MGAT5: variants seen among roughly 807,000 people sequenced by gnomAD.
MGAT5 encodes alpha-1,6-mannosylglycoprotein 6-beta-N-acetylglucosaminyltransferase A.
In MGAT5, 30 loss-of-function variants were observed where a neutral mutation model predicts 94.3. The observed-to-expected ratio is 0.32, with a 90% CI of 0.24 to 0.43. The LOEUF (loss-of-function observed/expected upper bound fraction) is 0.43. MGAT5 is among the 20% of genes least tolerant of loss of function. The pLI is 1.00. For synonymous variants in MGAT5, 310 were observed against 322.9 expected, an observed-to-expected ratio of 0.96 and a Z score of 0.43; for missense variants, 691 against 905.5, an observed-to-expected ratio of 0.76 and a Z score of 3.04.
intron 9 of MGAT5, among the ~76,000 whole-genome samples, chr2:134,352,116 T>C (rs1679423082): frequency 6.6e-6 from 1 of 152,170 alleles, no homozygotes; most frequent in South Asian, 2.1e-4. Context: ...TGCAGCATGG[T>C]ACTACCCCAG....
In MGAT5 at chr2:134,441,818, G is replaced by C. The variant is rs781135875; in HGVS notation, c.1930G>C (p.Glu644Gln). Reference protein sequence around the residue: ...PLSALQVKLAEPGQSCKQVCQ... With the variant: ...PLSALQVKLAQPGQSCKQVCQ... ...CAGCGCCCTACAGGTCAAGCTTGCT[G>C]AGCCCGGGCAGTCCTGCAAGCAGGT... The change falls in exon 15 of 16, where the codon GAG becomes CAG. Residue 644 changes from glutamate (E) to glutamine (Q), a missense_variant. Transcript: ENST00000281923. 23 of 1,614,118 alleles carry C rather than the reference G, an allele frequency of 1.4e-5. No individual in the cohort carries two copies. Among genetic ancestry groups the C allele is most frequent in the Non-Finnish European group, 1.9e-5 (22 of 1,180,006 alleles).
chr2:134,370,512 T>C (rs1680716511), intron 10 of MGAT5, among the ~76,000 whole-genome samples: 1 of 152,264 alleles, frequency 6.6e-6, no homozygotes, highest in African/African-American at 2.4e-5. Context: ...GAAAATAATG[T>C]GTCTCCTGCT....
At chr2:134,340,496 G>A (rs975649476) in intron 6 of MGAT5, among the ~76,000 whole-genome samples, 4 of 152,144 alleles carry the variant, frequency 2.6e-5, no homozygotes, top group African/African-American at 9.7e-5. Context: ...TATCAAATAT[G>A]CTTTGATGTC....
upstream of MGAT5, chr2:134,120,170 C>T (rs1156244996): frequency 5.8e-6 from 1 of 173,348 alleles, no homozygotes. Context: ...GCGGCGGCCC[C>T]GGGCGCGATC....
chr2:134,237,259 A>G (rs921876224), intron 1 of MGAT5, among the ~76,000 whole-genome samples: 2 of 152,102 alleles, frequency 1.3e-5, no homozygotes, highest in Non-Finnish European at 2.9e-5. Flanking sequence ...TGTCTCTGAA[A>G]TTAAGTCCCT....
At chr2:134,341,958 A>G (rs1688659769) in intron 7 of MGAT5, among the ~76,000 whole-genome samples, 199 bp downstream of exon 7, 1 of 152,180 alleles carries the variant, frequency 6.6e-6, no homozygotes, top group Non-Finnish European at 1.5e-5. Flanking sequence ...ATTGTCGCTG[A>G]AGGCTCCAGA....
At chr2:134,292,536 G>A (rs1050642304) in intron 2 of MGAT5, among the ~76,000 whole-genome samples, 60 of 152,274 alleles carry the variant, frequency 3.9e-4, no homozygotes, top group Non-Finnish European at 2.1e-4. Context: ...CCAGGTTCTG[G>A]TTTCTTTCTT....
At chr2:134,428,671 A>G (rs1042972023) in intron 14 of MGAT5, among the ~76,000 whole-genome samples, 10 of 152,178 alleles carry the variant, frequency 6.6e-5, no homozygotes, top group African/African-American at 2.2e-4. Flanking sequence ...AACTTATAAC[A>G]AGAGAGATGG....
chr2:134,237,288 C>T (rs1430627289), intron 1 of MGAT5, among the ~76,000 whole-genome samples: 1 of 152,218 alleles, frequency 6.6e-6, no homozygotes, highest in African/African-American at 2.4e-5. Context: ...ACTTCCCACT[C>T]AGCCATTCTG....
At chr2:134,402,855 C>A in intron 10 of MGAT5, 133 bp from the exon 11 acceptor site, 1 of 875,652 alleles carries the variant, frequency 1.1e-6, no homozygotes, top group African/African-American at 1.7e-5. Flanking sequence ...AGTTTGATTG[C>A]CAAATTCCTG....
chr2:134,237,383 C>T (rs938029636), intron 1 of MGAT5, among the ~76,000 whole-genome samples: 1 of 152,148 alleles, frequency 6.6e-6, no homozygotes, highest in Non-Finnish European at 1.5e-5. Context: ...TAAATGTTTG[C>T]AGAATAATCT....
intron 10 of MGAT5, among the ~76,000 whole-genome samples, chr2:134,365,377 T>G (rs553406436): frequency 3.3e-5 from 5 of 152,292 alleles, no homozygotes; most frequent in African/African-American, 9.6e-5. Context: ...TTTTGGTGGC[T>G]GGAACTGTAA....
intron 9 of MGAT5, among the ~76,000 whole-genome samples, chr2:134,351,404 GACTAAA>G (rs764945812): frequency 6.6e-6 from 1 of 152,150 alleles, no homozygotes; most frequent in Non-Finnish European, 1.5e-5. Flanking sequence ...TGTTCAAAGT[GACTAAA>G]ACCGCTGGGT....
chr2:134,192,120 G>C (rs1486540946), intron 1 of MGAT5, among the ~76,000 whole-genome samples: 1 of 150,016 alleles, frequency 6.7e-6, no homozygotes, highest in Non-Finnish European at 1.5e-5. Context: ...GCGCGAGCGG[G>C]TTCCTGATGG....
intron 1 of MGAT5, among the ~76,000 whole-genome samples, chr2:134,213,102 T>G (rs1236799252): frequency 6.6e-6 from 1 of 152,248 alleles, no homozygotes; most frequent in Non-Finnish European, 1.5e-5. Context: ...TGCTGCTGAC[T>G]TGGGTAAAAG....
intron 1 of MGAT5, among the ~76,000 whole-genome samples, chr2:134,217,686 G>A (rs547104972): frequency 6.6e-6 from 1 of 152,276 alleles, no homozygotes; most frequent in South Asian, 2.1e-4. Flanking sequence ...CATTTTAGAA[G>A]ACAAGCCCTG....
At chr2:134,227,785 G>A (rs1416815601) in intron 1 of MGAT5, among the ~76,000 whole-genome samples, 1 of 152,070 alleles carries the variant, frequency 6.6e-6, no homozygotes, top group Non-Finnish European at 1.5e-5. Context: ...AGGGACCATT[G>A]TATTCTTCAG....
chr2:134,233,897 CT>C (rs1681496925), intron 1 of MGAT5, among the ~76,000 whole-genome samples: 1 of 152,238 alleles, frequency 6.6e-6, no homozygotes. Flanking sequence ...ATGCACAACA[CT>C]CTAGGTTTGA....
chr2:134,236,188 A>T lies in MGAT5; in HGVS notation c.-142-18074A>T, dbSNP rs548503333. Among the ~76,000 whole-genome samples, 6 of 152,202 alleles carry T rather than the reference A, an allele frequency of 3.9e-5. No individual in the cohort carries two copies. The South Asian group carries it at 8.3e-4, about 21-fold the overall frequency. ...TGCGCAGTGTTCAGAGTTGTTCTTC[A>T]CGGGTCCCATGACTGCAGAGAAAGC... On this transcript the variant is annotated intron_variant, in intron 1 of 16. Transcript: ENST00000409645.
Sources: gnomAD v4.1 joint callset for allele counts (sites outside exome capture counted in the v4.1 genomes callset) on GRCh38, gnomAD v4.1.1 for gene constraint, MANE v1.5 for transcripts, NCBI Gene and HGNC (gene_info 2026-07-23, HGNC 2026-07-21) for gene names.